CDYL2: variants seen among roughly 807,000 people sequenced by gnomAD.
CDYL2 encodes chromodomain Y like 2, also known as chromodomain Y-like protein 2.
Under a neutral mutation model 49.4 loss-of-function variants are expected in CDYL2, and 23 were observed. The ratio of observed to expected loss-of-function variants is 0.47; its 90% CI spans 0.34 to 0.66. CDYL2 has a LOEUF of 0.66. CDYL2 is among the 30% of genes least tolerant of loss of function. The probability of loss-of-function intolerance (pLI) is 0.01; values close to 1 mark genes in which losing one functional copy is unlikely to be tolerated. For synonymous variants in CDYL2, 360 were observed against 268.8 expected (o/e 1.34, Z -3.32); for missense variants, 678 against 656.4 (o/e 1.03, Z -0.36).
chr16:80,727,412 G>C (rs1368682036), intron 1 of CDYL2, among the ~76,000 whole-genome samples: 1 of 152,238 alleles, frequency 6.6e-6, no homozygotes, highest in African/African-American at 2.4e-5. Context: ...CGGCGCACCA[G>C]GAGATTATAT....
At chr16:80,659,427 G>C (rs1908949830) in intron 2 of CDYL2, among the ~76,000 whole-genome samples, 2 of 152,102 alleles carry the variant, frequency 1.3e-5, no homozygotes, top group African/African-American at 2.4e-5. Flanking sequence ...TAAAATAAAA[G>C]TATTGCATCA....
intron 1 of CDYL2, among the ~76,000 whole-genome samples, chr16:80,732,114 C>T (rs11648014): frequency 0.41 from 62,354 of 152,030 alleles, 15,972 homozygotes; most frequent in Middle Eastern, 0.6. Context: ...TTATGAGAGT[C>T]ATCATTTTTA....
intron 1 of CDYL2, among the ~76,000 whole-genome samples, chr16:80,726,134 G>A (rs541998697): frequency 2.6e-4 from 40 of 152,200 alleles, no homozygotes; most frequent in Non-Finnish European, 4.1e-4. Flanking sequence ...CAGTTCAAAC[G>A]GTTGAGGCAG....
intron 1 of CDYL2, among the ~76,000 whole-genome samples, chr16:80,798,595 C>T (rs1907835238): frequency 2.6e-5 from 4 of 152,154 alleles, no homozygotes; most frequent in Admixed American, 2.6e-4. Context: ...CTACATATAA[C>T]ATACAAATAT....
At chr16:80,676,447 G>A (rs1479511046) in intron 2 of CDYL2, among the ~76,000 whole-genome samples, 1 of 152,160 alleles carries the variant, frequency 6.6e-6, no homozygotes, top group Non-Finnish European at 1.5e-5. Flanking sequence ...TGACCTCTCA[G>A]TGGTTCACCA....
At chr16:80,669,839 T>C (rs758869552) in intron 2 of CDYL2, among the ~76,000 whole-genome samples, 1 of 152,216 alleles carries the variant, frequency 6.6e-6, no homozygotes, top group Non-Finnish European at 1.5e-5. Context: ...TGGTGACACA[T>C]GGCTCAGCCA....
chr16:80,711,642 C>T (rs901765428), intron 1 of CDYL2, among the ~76,000 whole-genome samples: 4 of 151,994 alleles, frequency 2.6e-5, no homozygotes, highest in Middle Eastern at 6.8e-3. Context: ...CTGAGCCTTC[C>T]TTTCATCTTC....
chr16:80,620,022 T>A (rs1907007316), intron 4 of CDYL2, among the ~76,000 whole-genome samples: 1 of 152,172 alleles, frequency 6.6e-6, no homozygotes, highest in Non-Finnish European at 1.5e-5. Context: ...CCAGGGGCAT[T>A]CCTGAATTGT....
intron 1 of CDYL2, among the ~76,000 whole-genome samples, chr16:80,759,393 A>C (rs1008860046): frequency 1.3e-4 from 20 of 152,056 alleles, no homozygotes; most frequent in African/African-American, 4.8e-4. Context: ...AGTCCTAAGC[A>C]ATGTGATTTT....
intron 2 of CDYL2, among the ~76,000 whole-genome samples, chr16:80,676,741 G>C (rs966041337): frequency 2.0e-5 from 3 of 152,142 alleles, no homozygotes; most frequent in East Asian, 1.9e-4. Flanking sequence ...TCTTTGTCTG[G>C]TTTGGAAATC....
At chr16:80,719,151 T>C (rs1347511450) in intron 1 of CDYL2, among the ~76,000 whole-genome samples, 1 of 152,040 alleles carries the variant, frequency 6.6e-6, no homozygotes, top group Non-Finnish European at 1.5e-5. Context: ...GCCCTAGAGA[T>C]AGAGTGCTGA....
Position 80,804,336 on chromosome 16 carries a change from G to C in CDYL2, c.-163C>G. ...TGTTTTTGCAGAATGACAGGCTTGGGGGCTGCCTATGCGCAGAATCAGAGC... is the reference window on the plus strand; with the variant it reads ...TGTTTTTGCAGAATGACAGGCTTGGCGGCTGCCTATGCGCAGAATCAGAGC... On this transcript the variant is annotated 5_prime_UTR_variant, in exon 1 of 7. Transcript: ENST00000570137. 2.5e-6 allele frequency: 1 copy of C among 404,606 alleles called. No homozygotes were observed. The highest frequency in any genetic ancestry group is 3.7e-6 in the Non-Finnish European group (1 of 269,116). 25.1% of individuals were successfully genotyped at this position (404,606 alleles called of 1,614,324 possible).
intron 1 of CDYL2, among the ~76,000 whole-genome samples, chr16:80,743,348 A>C (rs943918356): frequency 6.6e-6 from 1 of 152,230 alleles, no homozygotes; most frequent in Non-Finnish European, 1.5e-5. Context: ...TCGTTTTATA[A>C]AATAGAGAGA....
At chr16:80,623,718 T>A (rs1051865455) in intron 3 of CDYL2, among the ~76,000 whole-genome samples, 4 of 152,198 alleles carry the variant, frequency 2.6e-5, no homozygotes, top group African/African-American at 9.6e-5. Context: ...AAAATCAAAG[T>A]ACAGTCACTG....
intron 2 of CDYL2, among the ~76,000 whole-genome samples, chr16:80,680,933 G>A (rs562168566): frequency 8.2e-4 from 125 of 152,002 alleles, no homozygotes; most frequent in African/African-American, 2.3e-3. Flanking sequence ...GATGGGCCCC[G>A]GACCACAAAG....
chr16:80,718,930 G>C (rs1351548483), intron 1 of CDYL2, among the ~76,000 whole-genome samples: 1 of 152,326 alleles, frequency 6.6e-6, no homozygotes, highest in African/African-American at 2.4e-5. Context: ...GGGATCCAGA[G>C]AGCAGAACCA....
At chr16:80,629,360 A>G (rs1481489477) in intron 3 of CDYL2, among the ~76,000 whole-genome samples, 1 of 152,214 alleles carries the variant, frequency 6.6e-6, no homozygotes, top group Admixed American at 6.5e-5. Context: ...AGAAGTAAAC[A>G]TATGAAAGAG....
At chr16:80,625,690 A>G (rs1907269669) in intron 3 of CDYL2, among the ~76,000 whole-genome samples, 1 of 152,244 alleles carries the variant, frequency 6.6e-6, no homozygotes, top group Non-Finnish European at 1.5e-5. Flanking sequence ...AAGACAAAGC[A>G]AAACCTTAAA....
intron 2 of CDYL2, among the ~76,000 whole-genome samples, chr16:80,681,400 A>G (rs1375533545): frequency 6.6e-6 from 1 of 152,162 alleles, no homozygotes; most frequent in East Asian, 1.9e-4. Flanking sequence ...GGGCCTGAAC[A>G]CTGGCTTCAG....
Sources: gnomAD v4.1 joint callset for allele counts (sites outside exome capture counted in the v4.1 genomes callset) on GRCh38, gnomAD v4.1.1 for gene constraint, MANE v1.5 for transcripts, NCBI Gene and HGNC (gene_info 2026-07-23, HGNC 2026-07-21) for gene names.